The following RMST variants were observed in gnomAD, a reference collection of about 807,000 sequenced individuals.
RMST encodes the protein long intergenic non-protein coding RNA 54.
chr12:97,515,206 TAACTTTTCATAGTTAGGCCTA>T (rs1428739377), intron 10 of RMST, among the ~76,000 whole-genome samples: 1 of 152,156 alleles, frequency 6.6e-6, no homozygotes, highest in Non-Finnish European at 1.5e-5. Context: ...TTTACACTCT[TAACTTTTCATAGTTAGGCCTA>T]AACTAAACCA....
intron 5 of RMST, among the ~76,000 whole-genome samples, chr12:97,491,369 A>G (rs1425932617): frequency 6.6e-6 from 1 of 152,240 alleles, no homozygotes; most frequent in Admixed American, 6.5e-5. Flanking sequence ...AAAACATTCC[A>G]GATGAGTCGA....
intron 10 of RMST, among the ~76,000 whole-genome samples, chr12:97,507,741 T>A (rs763975911): frequency 4.6e-5 from 7 of 152,216 alleles, no homozygotes; most frequent in Non-Finnish European, 7.3e-5. Context: ...ATTTTGTATG[T>A]CTTGAGACAG....
chr12:97,528,369 GA>G (rs1377694437), intron 10 of RMST, among the ~76,000 whole-genome samples: 1 of 151,862 alleles, frequency 6.6e-6, no homozygotes, highest in African/African-American at 2.4e-5. Flanking sequence ...TTTATTTCTT[GA>G]TTTCCTTCTT....
chr12:97,562,808 A>C (rs1228651148), intron 13 of RMST, among the ~76,000 whole-genome samples: 1 of 152,226 alleles, frequency 6.6e-6, no homozygotes, highest in Non-Finnish European at 1.5e-5. Flanking sequence ...CACATAAACC[A>C]AGATGTCATG....
chr12:97,481,538 C>A (rs1875278779), intron 5 of RMST, among the ~76,000 whole-genome samples: 1 of 152,192 alleles, frequency 6.6e-6, no homozygotes, highest in South Asian at 2.1e-4. Context: ...ATATTTTTTT[C>A]ATACCGAGAA....
chr12:97,544,141 T>C (rs11109102), intron 11 of RMST, among the ~76,000 whole-genome samples: 9,881 of 152,120 alleles, frequency 0.065, 452 homozygotes, highest in East Asian at 0.19. Flanking sequence ...TGATGCTAGT[T>C]AGAATATTGC....
At chr12:97,468,562 C>G (rs1408618470) in intron 5 of RMST, among the ~76,000 whole-genome samples, 1 of 151,928 alleles carries the variant, frequency 6.6e-6, no homozygotes. Flanking sequence ...GTTTTTCTGA[C>G]AATTGAGTTC....
chr12:97,552,319 T>G (rs1320737410), intron 11 of RMST: 1 of 152,198 alleles, frequency 6.6e-6, no homozygotes, highest in Non-Finnish European at 1.5e-5. Flanking sequence ...GAAAGCAGGT[T>G]GGTATTTAAA....
chr12:97,481,153 CT>C (rs1875226857), intron 5 of RMST, among the ~76,000 whole-genome samples: 1 of 152,062 alleles, frequency 6.6e-6, no homozygotes. Flanking sequence ...TATTTTTTAA[CT>C]TTTAATTTTT....
At chr12:97,504,710 G>C (rs11109068) in intron 10 of RMST, among the ~76,000 whole-genome samples, 1 of 152,130 alleles carries the variant, frequency 6.6e-6, no homozygotes, top group Non-Finnish European at 1.5e-5. Context: ...AATTAGATTT[G>C]CCTGAAGGGG....
intron 10 of RMST, among the ~76,000 whole-genome samples, chr12:97,519,997 T>C (rs1880346720): frequency 6.6e-6 from 1 of 152,232 alleles, no homozygotes; most frequent in African/African-American, 2.4e-5. Context: ...TGAAATACTG[T>C]TTTAAGGAAC....
chr12:97,537,327 T>C lies in RMST; in HGVS notation n.1545+6468T>C, dbSNP rs1882150667. 2.6e-5 allele frequency among the ~76,000 whole-genome samples: 4 copies of C among 151,468 alleles called. 1 individual carries two copies. In the South Asian group the frequency reaches 6.2e-4, roughly 24 times the overall value. On this transcript the variant is annotated intron_variant and non_coding_transcript_variant, in intron 11 of 13. Coordinates refer to ENST00000640149, the Ensembl canonical transcript of RMST. ...GAATCAACTTTACTATGTGGAAACA[T>C]TGAGGAAAACATTTATAAAAAATAT... is the stretch of plus-strand genomic sequence containing the variant.
chr12:97,493,064 T>G (rs1315169247), intron 6 of RMST: 2 of 152,496 alleles, frequency 1.3e-5, no homozygotes, highest in African/African-American at 4.8e-5. Context: ...CAAGCAAAGT[T>G]AACATCTTTA....
chr12:97,469,356 A>T (rs1191873294), intron 5 of RMST, among the ~76,000 whole-genome samples: 1 of 151,934 alleles, frequency 6.6e-6, no homozygotes, highest in African/African-American at 2.4e-5. Flanking sequence ...TTTCCTTATT[A>T]TTCAGGCCCA....
intron 10 of RMST, among the ~76,000 whole-genome samples, chr12:97,506,139 C>T (rs1043155435): frequency 6.6e-6 from 1 of 152,072 alleles, no homozygotes; most frequent in South Asian, 2.1e-4. Context: ...TATAAACATT[C>T]GTGACCACAT....
intron 10 of RMST, among the ~76,000 whole-genome samples, chr12:97,516,743 A>T (rs1879978631): frequency 6.6e-6 from 1 of 151,950 alleles, no homozygotes; most frequent in Non-Finnish European, 1.5e-5. Context: ...TTTTGTGTTA[A>T]TTGCTTTAGA....
At chr12:97,502,963 C>A (rs1878253889) in intron 10 of RMST, among the ~76,000 whole-genome samples, 1 of 152,156 alleles carries the variant, frequency 6.6e-6, no homozygotes, top group Admixed American at 6.5e-5. Flanking sequence ...GTCTTGGTCT[C>A]CCAATAGAGC....
chr12:97,506,675 GTTTTTTTTTTT>G (rs780505590), intron 10 of RMST, among the ~76,000 whole-genome samples: 5 of 76,964 alleles, frequency 6.5e-5, no homozygotes, highest in South Asian at 5.2e-4. Context: ...AGGGTAATCT[GTTTTTTTTTTT>G]TTTTTTTTTT....
At chr12:97,514,444 T>C (rs892782684) in intron 10 of RMST, among the ~76,000 whole-genome samples, 58 of 152,216 alleles carry the variant, frequency 3.8e-4, no homozygotes, top group African/African-American at 1.3e-3. Flanking sequence ...TGATTGGAGA[T>C]TTGCCTGTTT....
Sources: allele counts gnomAD v4.1 joint callset (sites outside exome capture counted in the v4.1 genomes callset), GRCh38; gene constraint gnomAD v4.1.1; transcripts MANE v1.5; gene names NCBI Gene and HGNC (gene_info 2026-07-23, HGNC 2026-07-21).